Variants in MRTFA observed in about 807,000 individuals in gnomAD.
MRTFA encodes the protein myocardin related transcription factor A.
A neutral mutation model predicts 83.5 loss-of-function variants in MRTFA; 20 were observed. That is an observed-to-expected ratio of 0.24 (90% CI 0.17 to 0.35). The LOEUF (loss-of-function observed/expected upper bound fraction) is 0.35, where lower values mean the gene tolerates loss of function less well. Among genes scored for constraint, MRTFA ranks in the 10% least tolerant of loss-of-function variants. The pLI, the probability that MRTFA is intolerant of heterozygous loss-of-function variation, is 1.00. For synonymous variants in MRTFA, 659 were observed against 541.2 expected, an observed-to-expected ratio of 1.22 and a Z score of -3.02; for missense variants, 1,200 against 1,224.7, an observed-to-expected ratio of 0.98 and a Z score of 0.30.
intron 7 of MRTFA, among the ~76,000 whole-genome samples, chr22:40,425,649 G>A (rs1350993011): frequency 1.3e-5 from 2 of 152,220 alleles, no homozygotes; most frequent in South Asian, 4.1e-4. Flanking sequence ...GCAACACACA[G>A]AACAGGGCTT....
chr22:40,591,128 C>T (rs1373754447), intron 2 of MRTFA, among the ~76,000 whole-genome samples: 3 of 151,694 alleles, frequency 2.0e-5, no homozygotes, highest in Non-Finnish European at 4.4e-5. Flanking sequence ...AGCGAGACTC[C>T]GTCTCAAAAT....
chr22:40,424,087 G>A (rs1276605833), intron 8 of MRTFA, 119 bp downstream of exon 8: 2 of 1,131,992 alleles, frequency 1.8e-6, no homozygotes, highest in Non-Finnish European at 2.4e-6. Flanking sequence ...AACTAGGGTA[G>A]CATCCCCCTG....
chr22:40,560,420 T>C (rs1223644749), intron 2 of MRTFA, among the ~76,000 whole-genome samples: 2 of 152,184 alleles, frequency 1.3e-5, no homozygotes, highest in African/African-American at 4.8e-5. Flanking sequence ...ATTGGATTTA[T>C]TTCTCTAACA....
intron 3 of MRTFA, among the ~76,000 whole-genome samples, chr22:40,516,719 A>G (rs2147250912): frequency 6.6e-6 from 1 of 152,318 alleles, no homozygotes; most frequent in Admixed American, 6.5e-5. Flanking sequence ...ATAGAGTCAG[A>G]AATATTACTA....
chr22:40,482,522 G>T (rs1419114514), intron 3 of MRTFA, among the ~76,000 whole-genome samples: 4 of 152,122 alleles, frequency 2.6e-5, no homozygotes, highest in Non-Finnish European at 5.9e-5. Context: ...TAAGATCTGG[G>T]CATAGCATGC....
intron 3 of MRTFA, among the ~76,000 whole-genome samples, chr22:40,490,814 C>T (rs535664854): frequency 2.6e-5 from 4 of 152,200 alleles, no homozygotes; most frequent in African/African-American, 9.6e-5. Flanking sequence ...AATTATTATA[C>T]ATTGTATATA....
intron 3 of MRTFA, among the ~76,000 whole-genome samples, chr22:40,547,131 G>C (rs568211640): frequency 6.6e-6 from 1 of 151,780 alleles, no homozygotes; most frequent in South Asian, 2.1e-4. Flanking sequence ...CTCCAGCCTG[G>C]GCGACAGAGT....
At chr22:40,561,235 T>C (rs1460418637) in intron 2 of MRTFA, among the ~76,000 whole-genome samples, 2 of 148,094 alleles carry the variant, frequency 1.4e-5, no homozygotes, top group Non-Finnish European at 3.0e-5. Context: ...TGTGTGTGTG[T>C]AAAATCTGGT....
intron 14 of MRTFA, chr22:40,415,238 G>A (rs1412728502): frequency 2.0e-5 from 3 of 152,560 alleles, no homozygotes; most frequent in Admixed American, 6.5e-5. Context: ...TGAAGCTCAC[G>A]CCAAGGCCTC....
intron 1 of MRTFA, among the ~76,000 whole-genome samples, chr22:40,595,123 T>TC (rs1405097309): frequency 6.8e-6 from 1 of 147,072 alleles, no homozygotes; most frequent in East Asian, 2.0e-4. Flanking sequence ...TGCCTTTTTT[T>TC]TTTTTTTTTT....
intron 3 of MRTFA, among the ~76,000 whole-genome samples, chr22:40,539,380 C>A (rs1402445358): frequency 2.0e-5 from 3 of 150,424 alleles, no homozygotes; most frequent in Non-Finnish European, 4.4e-5. Flanking sequence ...TGCTCTGTCG[C>A]CCAGGCTGGA....
chr22:40,556,765 A>T (rs540106630), intron 2 of MRTFA, among the ~76,000 whole-genome samples: 1 of 152,260 alleles, frequency 6.6e-6, no homozygotes, highest in Non-Finnish European at 1.5e-5. Flanking sequence ...CAACTGTTAC[A>T]CAGGATTAAT....
At chr22:40,429,028 G>A (rs543102658) in intron 7 of MRTFA, among the ~76,000 whole-genome samples, 35 of 152,262 alleles carry the variant, frequency 2.3e-4, no homozygotes, top group Middle Eastern at 3.4e-3. Flanking sequence ...TGTTTCCAAA[G>A]TACCCTGTGC....
At chr22:40,601,026 C>T (rs1272126713) in intron 1 of MRTFA, among the ~76,000 whole-genome samples, 1 of 152,124 alleles carries the variant, frequency 6.6e-6, no homozygotes, top group Non-Finnish European at 1.5e-5. Flanking sequence ...AAACTGTCCA[C>T]TTATAAGAAG....
intron 3 of MRTFA, among the ~76,000 whole-genome samples, chr22:40,470,874 G>A (rs757095252): frequency 2.6e-5 from 4 of 151,910 alleles, no homozygotes; most frequent in South Asian, 2.1e-4. Flanking sequence ...ACTTGAACCC[G>A]GGAGGCGGAG....
Position 40,417,103 on chromosome 22 carries a change from C to T in MRTFA, c.2518-57G>A. 11 of 1,532,202 alleles carry T rather than the reference C, an allele frequency of 7.2e-6. No homozygotes were observed. In the South Asian group the frequency reaches 1.3e-4, roughly 18 times the overall value. The allele number at this position is 1,532,202 out of a possible 1,614,324, so 94.9% of individuals were successfully genotyped here. A position where few individuals can be genotyped will look rare whatever the true frequency, so the allele number is the denominator to read the frequency against. ...AAAAATCTTGAATGGGGGCTCCCAG[C>T]CCGAACTACGAATGAGGCCCCTCCC... On this transcript the variant is annotated intron_variant, in intron 13 of 14. Transcript: ENST00000355630.
chr22:40,417,370 C>T lies in MRTFA; in HGVS notation c.2488G>A (p.Glu830Lys). The change falls in exon 13 of 15, where the codon GAA becomes AAA. Residue 830 changes from glutamate (E) to lysine (K), a missense_variant. Physicochemically the swap from Glu to Lys is moderately conservative, Grantham distance 56 (BLOSUM62 1). Coordinates refer to ENST00000355630, the MANE Select transcript of MRTFA (RefSeq NM_020831.6). ...TGTTTGGGCTGCTGGCTCATGGCTTCCTCATAGCCAGGTGGTTCCTTCTTC... is the reference window on the plus strand; with the variant it reads ...TGTTTGGGCTGCTGGCTCATGGCTTTCTCATAGCCAGGTGGTTCCTTCTTC... The T allele has an allele frequency of 6.2e-7, 1 of 1,611,628 alleles. No homozygotes were observed. Among genetic ancestry groups the T allele is most frequent in the Non-Finnish European group, 8.5e-7 (1 of 1,179,834 alleles).
chr22:40,620,103 G>C (rs550317892), intron 1 of MRTFA, among the ~76,000 whole-genome samples: 49 of 149,398 alleles, frequency 3.3e-4, no homozygotes, highest in African/African-American at 1.2e-3. Context: ...GACTACAGAC[G>C]CATACCACCA....
intron 5 of MRTFA, among the ~76,000 whole-genome samples, chr22:40,433,850 T>C (rs928045058): frequency 6.6e-6 from 1 of 152,258 alleles, no homozygotes; most frequent in Non-Finnish European, 1.5e-5. Flanking sequence ...GAAGTAGTTA[T>C]TGTAATGTGG....
Sources: gnomAD v4.1 joint callset for allele counts (sites outside exome capture counted in the v4.1 genomes callset) on GRCh38, gnomAD v4.1.1 for gene constraint, MANE v1.5 for transcripts, NCBI Gene and HGNC (gene_info 2026-07-23, HGNC 2026-07-21) for gene names.